UPRT: variants seen among roughly 807,000 people sequenced by gnomAD.
UPRT encodes uracil phosphoribosyltransferase homolog, also known as RP11-311P8.3.
In UPRT, 5 loss-of-function variants were observed where a neutral mutation model predicts 22.6. The ratio of observed to expected loss-of-function variants is 0.22; its 90% CI spans 0.12 to 0.47. The LOEUF (loss-of-function observed/expected upper bound fraction) is 0.47. Among genes scored for constraint, UPRT ranks in the 20% least tolerant of loss-of-function variants. The pLI, the probability that UPRT is intolerant of heterozygous loss-of-function variation, is 0.99. For synonymous variants in UPRT, 77 were observed against 87.7 expected (o/e 0.88, Z 0.68); for missense variants, 181 against 239.9 (o/e 0.75, Z 1.62).
chrX:75,238,647 C>G (rs976379752), intron 4 of UPRT, among the ~76,000 whole-genome samples: 4 of 111,459 alleles, frequency 3.6e-5, no homozygotes, highest in Non-Finnish European at 1.9e-5. Context: ...TTCTACCCAA[C>G]AACTGCAGAA....
At chrX:75,179,334 A>G (rs962662715) in intron 4 of UPRT, among the ~76,000 whole-genome samples, 3 of 112,435 alleles carry the variant, frequency 2.7e-5, no homozygotes, top group Non-Finnish European at 3.8e-5. Context: ...CAGAGTGTCA[A>G]TTGGTGCACT....
chrX:75,240,131 C>T (rs948862699), intron 4 of UPRT, among the ~76,000 whole-genome samples: 7 of 111,086 alleles, frequency 6.3e-5, no homozygotes, highest in African/African-American at 2.3e-4. Context: ...AAAGGGTATC[C>T]ACATTGGTAA....
chrX:75,236,695 G>A (rs1217145275), intron 4 of UPRT, among the ~76,000 whole-genome samples: 1 of 112,271 alleles, frequency 8.9e-6, no homozygotes, highest in East Asian at 2.8e-4. Context: ...ACAAGCAATG[G>A]GGTAAGGATT....
In UPRT at chrX:75,168,279, A is replaced by G. The variant is rs1224623713; in HGVS notation, c.-447+400A>G. On this transcript the variant is annotated intron_variant, in intron 4 of 13. Transcript: ENST00000652605. The stretch of plus-strand genomic sequence containing the variant: ...TATTCACCCCATTAAACTTGTATCA[A>G]ATACTTGTTTTACAAACAAATAAAC... 3.6e-5 allele frequency among the ~76,000 whole-genome samples: 4 copies of G among 111,819 alleles called. No homozygotes were observed. The East Asian group carries it at 1.1e-3, about 31-fold the overall frequency.
At chrX:75,263,343 T>G (rs758061785) in intron 4 of UPRT, among the ~76,000 whole-genome samples, 1 of 111,787 alleles carries the variant, frequency 8.9e-6, no homozygotes, top group East Asian at 2.8e-4. Context: ...TGAATCCATC[T>G]GGCCCTGTAC....
At chrX:75,219,167 C>G (rs1026100291) in intron 4 of UPRT, among the ~76,000 whole-genome samples, 1 of 112,081 alleles carries the variant, frequency 8.9e-6, no homozygotes, top group Non-Finnish European at 1.9e-5. Flanking sequence ...AATTCTCTGC[C>G]TAACAGCTCA....
chrX:75,191,549 C>T (rs1009183543), intron 4 of UPRT, among the ~76,000 whole-genome samples: 1 of 111,297 alleles, frequency 9.0e-6, no homozygotes, highest in African/African-American at 3.3e-5. Context: ...CGGCTATGCC[C>T]TGCCCCCAGA....
intron 3 of UPRT, 111 bp downstream of exon 3, chrX:75,296,522 G>T: frequency 1.7e-6 from 1 of 600,171 alleles, no homozygotes; most frequent in Non-Finnish European, 2.6e-6. Context: ...TGAAGGGCTA[G>T]GTGGAGCTAT....
At chrX:75,202,218 A>G (rs867821276) in intron 4 of UPRT, among the ~76,000 whole-genome samples, 30 of 111,451 alleles carry the variant, frequency 2.7e-4, no homozygotes, top group South Asian at 1.5e-3. Flanking sequence ...GAATGACAGC[A>G]ATTATAGAAG....
At chrX:75,164,709 T>C (rs1208371155) in intron 3 of UPRT, among the ~76,000 whole-genome samples, 2 of 111,483 alleles carry the variant, frequency 1.8e-5, no homozygotes, top group Non-Finnish European at 3.8e-5. Context: ...CGAAACTCCA[T>C]GAATATACTA....
chrX:75,284,148 G>A (rs1478185954), intron 1 of UPRT, among the ~76,000 whole-genome samples: 1 of 111,333 alleles, frequency 9.0e-6, no homozygotes, highest in Admixed American at 9.6e-5. Flanking sequence ...CTAAATTTTT[G>A]ATTGTTTTTT....
chrX:75,180,128 C>T (rs899913302), intron 4 of UPRT, among the ~76,000 whole-genome samples: 1 of 112,446 alleles, frequency 8.9e-6, no homozygotes, highest in Admixed American at 9.3e-5. Context: ...AGAATCATGC[C>T]CTTCCCCGAG....
At position 75,220,525 on chromosome X, in the gene UPRT, C is replaced by T. The variant is rs932046922; in HGVS notation, c.-447+52646C>T. 2.7e-5 allele frequency among the ~76,000 whole-genome samples: 3 copies of T among 110,623 alleles called. No homozygotes were observed. In the East Asian group the frequency reaches 8.5e-4, roughly 31 times the overall value. On this transcript the variant is annotated intron_variant, in intron 4 of 13. Coordinates refer to the UPRT transcript ENST00000652605. ...TAATCCTTTTAGTGGGGGTGATTTT[C>T]TTTGATGGTATGTTTTAATTTCTTG...
Position 75,160,799 on chromosome X carries a change from G to T in UPRT, c.-615+128G>T, listed in dbSNP as rs190134803. ...TTGCCTCAGCTTCCCCAATGGCTGG[G>T]ATTTACAGGCATGAGCCACCATGAC... On this transcript the variant is annotated intron_variant, in intron 2 of 13. Transcript: ENST00000652605. Among the ~76,000 whole-genome samples the T allele has an allele frequency of 1.9e-4, 21 of 112,395 alleles. No individual in the cohort carries two copies. The East Asian group carries it at 5.6e-3, about 30-fold the overall frequency.
chrX:75,171,632 G>A (rs12863534), intron 4 of UPRT, among the ~76,000 whole-genome samples: 1,179 of 80,731 alleles, frequency 0.015, 8 homozygotes, highest in Non-Finnish European at 0.021. Context: ...GTGATTTTTG[G>A]GGGGTGTTAA....
intron 4 of UPRT, among the ~76,000 whole-genome samples, chrX:75,168,073 C>T (rs931431504): frequency 4.5e-5 from 5 of 111,973 alleles, no homozygotes; most frequent in African/African-American, 1.6e-4. Context: ...ATCTGTGATT[C>T]ATTAGGTATG....
intron 4 of UPRT, among the ~76,000 whole-genome samples, chrX:75,178,183 G>T (rs926371547): frequency 8.9e-6 from 1 of 112,235 alleles, no homozygotes; most frequent in Non-Finnish European, 1.9e-5. Context: ...GAAGAGTCGG[G>T]GGTTGTTAGC....
intron 4 of UPRT, among the ~76,000 whole-genome samples, chrX:75,264,249 C>A (rs1250180075): frequency 9.0e-6 from 1 of 111,526 alleles, no homozygotes; most frequent in Non-Finnish European, 1.9e-5. Context: ...CCACTTGGTG[C>A]AGAGCTGAGT....
chrX:75,236,671 CA>C (rs1489156442), intron 4 of UPRT, among the ~76,000 whole-genome samples: 39 of 112,278 alleles, frequency 3.5e-4, no homozygotes, highest in Non-Finnish European at 3.4e-4. Context: ...TGATCTTTGA[CA>C]AACCTGAGAA....
Sources: gnomAD v4.1 joint callset for allele counts (sites outside exome capture counted in the v4.1 genomes callset) on GRCh38, gnomAD v4.1.1 for gene constraint, MANE v1.5 for transcripts, NCBI Gene and HGNC (gene_info 2026-07-23, HGNC 2026-07-21) for gene names.